PCLAF: variants seen among roughly 807,000 people sequenced by gnomAD.
The protein encoded by PCLAF is PCNA clamp associated factor.
Under a neutral mutation model 15.1 loss-of-function variants are expected in PCLAF, and 12 were observed. That is an observed-to-expected ratio of 0.79 (90% CI 0.51 to 1.29). PCLAF has a LOEUF of 1.29. Ranked by LOEUF, PCLAF falls within the 50% of genes most tolerant of loss-of-function variation. The pLI, the probability that PCLAF is intolerant of heterozygous loss-of-function variation, is 0.00. For synonymous variants in PCLAF, 33 were observed against 47.1 expected, an observed-to-expected ratio of 0.70 and a Z score of 1.22; for missense variants, 116 against 130.9, an observed-to-expected ratio of 0.89 and a Z score of 0.56.
At chr15:64,381,701 A>G (rs1225146880), upstream of PCLAF, among the ~76,000 whole-genome samples, 1 of 152,238 alleles carries the variant, frequency 6.6e-6, no homozygotes, top group Non-Finnish European at 1.5e-5. Flanking sequence ...TTTCTGAACT[A>G]CAGAAATGAG....
At chr15:64,374,660 C>T (rs1035190164) in intron 3 of PCLAF, among the ~76,000 whole-genome samples, 8 of 152,014 alleles carry the variant, frequency 5.3e-5, no homozygotes, top group South Asian at 2.1e-4. Context: ...GCCTAGGCAA[C>T]GTGGCAAAAC....
chr15:64,373,698 C>T (rs2140525507), intron 3 of PCLAF: 2 of 1,535,304 alleles, frequency 1.3e-6, no homozygotes, highest in South Asian at 1.2e-5. Context: ...ATCCCCTTAC[C>T]CATTTGGATC....
intron 2 of PCLAF, among the ~76,000 whole-genome samples, chr15:64,379,082 T>C (rs1899729874): frequency 6.6e-6 from 1 of 152,188 alleles, no homozygotes; most frequent in Non-Finnish European, 1.5e-5. Context: ...ATTTTTAAAA[T>C]GCCTTAAAGG....
At chr15:64,380,840 T>C (rs1328075619) in intron 2 of PCLAF, 118 bp downstream of exon 2, 4 of 813,626 alleles carry the variant, frequency 4.9e-6, no homozygotes, top group Non-Finnish European at 7.8e-6. Flanking sequence ...TCTCTTATTA[T>C]ATCACAGGGC....
chr15:64,385,867 C>T (rs551245982), upstream of PCLAF, among the ~76,000 whole-genome samples: 10 of 152,184 alleles, frequency 6.6e-5, no homozygotes, highest in African/African-American at 2.4e-4. Context: ...TCTCAGACTT[C>T]TGCTCCCAGA....
intron 3 of PCLAF, among the ~76,000 whole-genome samples, chr15:64,368,959 T>A (rs1267643657): frequency 6.6e-6 from 1 of 152,166 alleles, no homozygotes; most frequent in African/African-American, 2.4e-5. Flanking sequence ...TATCAGCTTG[T>A]TCCTGTTGGA....
intron 1 of PCLAF, 83 bp from the exon 2 acceptor site, chr15:64,381,121 G>T: frequency 1.4e-6 from 2 of 1,384,368 alleles, no homozygotes; most frequent in Non-Finnish European, 2.0e-6. Context: ...GCTTGGAGAG[G>T]AGAGCCTGGC....
intron 3 of PCLAF, among the ~76,000 whole-genome samples, chr15:64,373,985 T>C (rs1423436102): frequency 6.6e-6 from 1 of 152,198 alleles, no homozygotes; most frequent in East Asian, 1.9e-4. Flanking sequence ...GGTTTTTTTT[T>C]CTGTCCCATA....
upstream of PCLAF, among the ~76,000 whole-genome samples, chr15:64,383,371 GTTT>G (rs763173670): frequency 7.0e-6 from 1 of 142,078 alleles, no homozygotes; most frequent in African/African-American, 2.6e-5. Flanking sequence ...TTGTGTGTGT[GTTT>G]TTTTTTTTTT....
intron 3 of PCLAF, among the ~76,000 whole-genome samples, chr15:64,367,697 G>A (rs1322591827): frequency 1.3e-5 from 2 of 151,258 alleles, no homozygotes; most frequent in African/African-American, 2.4e-5. Context: ...ACAGACATAC[G>A]CCACCATGCC....
At chr15:64,371,448 T>C (rs1432830472) in intron 3 of PCLAF, among the ~76,000 whole-genome samples, 1 of 151,978 alleles carries the variant, frequency 6.6e-6, no homozygotes, top group Non-Finnish European at 1.5e-5. Flanking sequence ...GTATTTTTAG[T>C]ACAGATGGGG....
At chr15:64,380,657 T>G (rs1899783211) in intron 2 of PCLAF, among the ~76,000 whole-genome samples, 1 of 151,926 alleles carries the variant, frequency 6.6e-6, no homozygotes, top group Admixed American at 6.6e-5. Flanking sequence ...TGACCAGTGA[T>G]TGCACCACTG....
chr15:64,374,210 T>C (rs1899486004), intron 3 of PCLAF, among the ~76,000 whole-genome samples: 1 of 152,178 alleles, frequency 6.6e-6, no homozygotes, highest in Non-Finnish European at 1.5e-5. Context: ...CATTTTCCTG[T>C]CATTAAAAAT....
chr15:64,368,504 T>C (rs1344145254), intron 3 of PCLAF, among the ~76,000 whole-genome samples: 11 of 152,182 alleles, frequency 7.2e-5, no homozygotes, highest in Admixed American at 6.6e-4. Flanking sequence ...AAGTAGATAG[T>C]CTTCCTTGAT....
upstream of PCLAF, among the ~76,000 whole-genome samples, chr15:64,384,113 C>T (rs1296727271): frequency 1.3e-5 from 2 of 152,106 alleles, no homozygotes; most frequent in Non-Finnish European, 2.9e-5. Context: ...TGTATCAATA[C>T]AATTTCTGCC....
chr15:64,377,942 TG>T (rs1264052329), intron 2 of PCLAF, among the ~76,000 whole-genome samples: 1 of 147,918 alleles, frequency 6.8e-6, no homozygotes, highest in African/African-American at 2.5e-5. Flanking sequence ...TTTGTTTTTT[TG>T]GGGGGGAGAC....
At chr15:64,367,891 C>CA (rs1316687988) in intron 3 of PCLAF, among the ~76,000 whole-genome samples, 1 of 59,060 alleles carries the variant, frequency 1.7e-5, no homozygotes, top group Non-Finnish European at 3.9e-5. Context: ...AAAACTTAAT[C>CA]AAAAACTACT....
At position 64,365,804 on chromosome 15, in the gene PCLAF, A is replaced by G. The variant is rs1899006855; in HGVS notation, c.*226T>C. Reference sequence around the variant, plus strand: ...AGAACTAGACACTTAATTTGGTAAAAGAAACCAAACAATGCATTATATTGA... The same window carrying G: ...AGAACTAGACACTTAATTTGGTAAAGGAAACCAAACAATGCATTATATTGA... On this transcript the variant is annotated 3_prime_UTR_variant, in exon 4 of 4. Coordinates refer to ENST00000300035, the MANE Select transcript of PCLAF (RefSeq NM_014736.6). The G allele has an allele frequency of 3.9e-6, 2 of 507,938 alleles. No individual in the cohort carries two copies. The highest frequency in any genetic ancestry group is 6.9e-6 in the Non-Finnish European group (2 of 289,846). The allele number at this position is 507,938 out of a possible 1,614,324, so 31.5% of individuals were successfully genotyped here.
chr15:64,371,029 C>A (rs1394626128), intron 3 of PCLAF, among the ~76,000 whole-genome samples: 1 of 143,604 alleles, frequency 7.0e-6, no homozygotes. Flanking sequence ...AGTGCAGTAG[C>A]GCAATCTCGG....
Sources: allele counts gnomAD v4.1 joint callset (sites outside exome capture counted in the v4.1 genomes callset), GRCh38; gene constraint gnomAD v4.1.1; transcripts MANE v1.5; gene names NCBI Gene and HGNC (gene_info 2026-07-23, HGNC 2026-07-21).